SERPINC1: variants seen among roughly 807,000 people sequenced by gnomAD.
SERPINC1 encodes the protein serpin family C member 1, also known as antithrombin-III.
In SERPINC1, 12 loss-of-function variants were observed where a neutral mutation model predicts 43.4. The observed-to-expected ratio is 0.28, with a 90% CI of 0.18 to 0.45. The LOEUF (loss-of-function observed/expected upper bound fraction) is 0.45, where lower values mean the gene tolerates loss of function less well. SERPINC1 is among the 20% of genes least tolerant of loss of function. SERPINC1 has a pLI of 1.00. For missense variants in SERPINC1, 423 were observed against 578.8 expected (o/e 0.73, Z 2.76); for synonymous variants, 210 against 218.9 (o/e 0.96, Z 0.36).
chr1:173,917,063 G>C (rs1483450013), intron 1 of SERPINC1, among the ~76,000 whole-genome samples, 156 bp downstream of exon 1: 1 of 152,154 alleles, frequency 6.6e-6, no homozygotes, highest in Non-Finnish European at 1.5e-5. Context: ...GTGGGAGGGA[G>C]AGCACTTGAA....
chr1:173,905,340 T>C (rs896372456), intron 6 of SERPINC1, among the ~76,000 whole-genome samples: 2 of 152,228 alleles, frequency 1.3e-5, no homozygotes, highest in African/African-American at 4.8e-5. Flanking sequence ...ACATTCATTG[T>C]CCTATAGATT....
intron 5 of SERPINC1, among the ~76,000 whole-genome samples, chr1:173,907,722 G>A (rs988433412): frequency 6.6e-6 from 1 of 152,162 alleles, no homozygotes; most frequent in African/African-American, 2.4e-5. Flanking sequence ...GCTCACACCT[G>A]TAATCCCAGC....
chr1:173,907,628 GAAATCCT>G (rs1657576486), intron 5 of SERPINC1, 114 bp from the exon 6 acceptor site: 1 of 807,636 alleles, frequency 1.2e-6, no homozygotes, highest in Non-Finnish European at 2.2e-6. Flanking sequence ...AACATAAGAA[GAAATCCT>G]AAATCTTCAC....
rs121909548 is a variant in SERPINC1 at position 173,904,038 on chromosome 1, C to A, written c.1246G>T (p.Ala416Ser). The change falls in exon 7 of 7, where the codon GCA (alanine) becomes TCA (serine). Residue 416 changes from alanine to serine, a missense_variant. Coordinates refer to ENST00000367698, the MANE Select transcript of SERPINC1 (RefSeq NM_000488.4). Reference protein sequence around the residue: ...EVNEEGSEAAASTAVVIAGRS... With the variant: ...EVNEEGSEAASSTAVVIAGRS... The stretch of plus-strand genomic sequence containing the variant: ...CCAGCAATCACAACAGCGGTACTTG[C>A]AGCTGCTTCACTGCCTTCTTCATTT... 2,351 of 1,614,228 alleles carry A rather than the reference C, an allele frequency of 1.5e-3. 1 individual carries two copies. The highest frequency in any genetic ancestry group is 1.8e-3 in the Admixed American group (110 of 60,032).
rs762965029 is a variant in SERPINC1, at chr1:173,907,424, T to C, written c.1218+26A>G. 3.8e-6 allele frequency: 6 copies of C among 1,570,090 alleles called. No homozygotes were observed. The African/African-American group carries it at 8.1e-5, about 21-fold the overall frequency. ...GTTCATGCATCTCCTTTCTGTACCC[T>C]AAGAGAGTGGGGAAGGTGTACTCAC... On this transcript the variant is annotated intron_variant, in intron 6 of 6. Transcript: ENST00000367698.
intron 1 of SERPINC1, among the ~76,000 whole-genome samples, chr1:173,916,747 T>C (rs1658007355): frequency 6.6e-6 from 1 of 152,090 alleles, no homozygotes. Flanking sequence ...GGGACAACTC[T>C]CATTGTGAGA....
chr1:173,907,895 C>T (rs138511779), intron 5 of SERPINC1, among the ~76,000 whole-genome samples: 10,095 of 151,504 alleles, frequency 0.067, 1,150 homozygotes, highest in African/African-American at 0.23. Context: ...GCAGGAGAAT[C>T]GCTTGAACTC....
intron 1 of SERPINC1, 22 bp downstream of exon 1, chr1:173,917,197 G>A (rs753196429): frequency 3.1e-6 from 5 of 1,611,544 alleles, no homozygotes; most frequent in South Asian, 1.1e-5. Context: ...GGGCAGGCAA[G>A]GGGAAAGCTC....
chr1:173,913,480 A>G (rs1572091155), intron 2 of SERPINC1, among the ~76,000 whole-genome samples: 1 of 152,178 alleles, frequency 6.6e-6, no homozygotes, highest in Non-Finnish European at 1.5e-5. Context: ...CCTGGTCTCA[A>G]TATACCATCC....
chr1:173,908,588 CCTCA>C (rs1657630267), intron 5 of SERPINC1, among the ~76,000 whole-genome samples: 1 of 151,414 alleles, frequency 6.6e-6, no homozygotes, highest in Admixed American at 6.6e-5. Flanking sequence ...AGTGATAGGA[CCTCA>C]CTCTGTTGCT....
At chr1:173,914,496 T>C (rs764700629) in intron 2 of SERPINC1, 57 bp downstream of exon 2, 2 of 1,607,548 alleles carry the variant, frequency 1.2e-6, no homozygotes, top group South Asian at 1.1e-5. Context: ...CTTGGGCCTA[T>C]GGAAGCCCCA....
At position 173,907,435 on chromosome 1, in the gene SERPINC1, G is replaced by C. The variant is rs1383030856; in HGVS notation, c.1218+15C>G. ...TCCTTTCTGTACCCTAAGAGAGTGGGGAAGGTGTACTCACCTCAAGAAATG... is the reference window on the plus strand; with the variant it reads ...TCCTTTCTGTACCCTAAGAGAGTGGCGAAGGTGTACTCACCTCAAGAAATG... On this transcript the variant is annotated intron_variant, in intron 6 of 6. Transcript: ENST00000367698. 1 of 1,591,158 alleles carries C rather than the reference G, an allele frequency of 6.3e-7. No individual in the cohort carries two copies. The highest frequency in any genetic ancestry group is 8.6e-7 in the Non-Finnish European group (1 of 1,159,104).
chr1:173,907,450 C>G lies in SERPINC1; in HGVS notation c.1218G>C (p.Glu406Asp). The change falls in exon 6 of 7, where the codon GAG becomes GAC. Residue 406 changes from glutamate (E) to aspartate (D), a missense_variant and splice_region_variant. Glu to Asp is a conservative substitution (Grantham distance 45). Coordinates refer to ENST00000367698, the MANE Select transcript of SERPINC1 (RefSeq NM_000488.4). ...VSDAFHKAFL[E>D]VNEEGSEAAA... ...AAGAGAGTGGGGAAGGTGTACTCAC[C>G]TCAAGAAATGCCTTATGGAATGCAT... The G allele has an allele frequency of 6.2e-7, 1 of 1,610,894 alleles. No individual in the cohort carries two copies. The highest frequency in any genetic ancestry group is 8.5e-7 in the Non-Finnish European group (1 of 1,177,088).
At chr1:173,905,652 C>T (rs552826404) in intron 6 of SERPINC1, among the ~76,000 whole-genome samples, 2 of 151,960 alleles carry the variant, frequency 1.3e-5, no homozygotes, top group Non-Finnish European at 2.9e-5. Flanking sequence ...ACCCAGGAGG[C>T]GGAGGTTGCA....
At chr1:173,914,530 G>A in intron 2 of SERPINC1, 23 bp downstream of exon 2, 2 of 1,613,412 alleles carry the variant, frequency 1.2e-6, no homozygotes, top group South Asian at 1.1e-5. Context: ...CAAGGTGGCT[G>A]GGCAGAAGAC....
At position 173,912,625 on chromosome 1, in the gene SERPINC1, G is replaced by C. The variant is rs536875138; in HGVS notation, c.409-611C>G. Reference sequence around the variant, plus strand: ...CATGCTCTCTCCTCAGGCTACAAAAGGCCTTTTGGTTTTATCTGTTCTCTG... The same window carrying C: ...CATGCTCTCTCCTCAGGCTACAAAACGCCTTTTGGTTTTATCTGTTCTCTG... On this transcript the variant is annotated intron_variant, in intron 2 of 6. Coordinates refer to ENST00000367698, the MANE Select transcript of SERPINC1 (RefSeq NM_000488.4). Among the ~76,000 whole-genome samples, 157 of 152,260 alleles carry C rather than the reference G, an allele frequency of 1.0e-3. 1 individual carries two copies. Among genetic ancestry groups the C allele is most frequent in the African/African-American group, 3.6e-3 (148 of 41,546 alleles).
At chr1:173,916,755 A>G (rs1045742429) in intron 1 of SERPINC1, among the ~76,000 whole-genome samples, 4 of 152,098 alleles carry the variant, frequency 2.6e-5, no homozygotes, top group African/African-American at 9.7e-5. Context: ...TCTCATTGTG[A>G]GAAAAGGAAG....
intron 4 of SERPINC1, among the ~76,000 whole-genome samples, chr1:173,910,326 C>T (rs767856075): frequency 2.0e-5 from 3 of 152,146 alleles, no homozygotes; most frequent in Non-Finnish European, 4.4e-5. Context: ...TGCCTGTAAT[C>T]CCAGCACTTT....
rs745578147 is a variant in SERPINC1, at chr1:173,909,568, T to C, written c.1137A>G (p.Glu379=). The stretch of plus-strand genomic sequence containing the variant: ...TAGACAAACCTGGGAGTTTGGACTT[T>C]TCAGGGCTGAACAGATCGACAAGGC... The part of the protein sequence containing the change: ...DMGLVDLFSP[E]KSKLPGIVAE... Residue 379 remains glutamate (E), a synonymous_variant, in exon 5 of 7, where the codon GAA becomes GAG. Coordinates refer to ENST00000367698, the MANE Select transcript of SERPINC1 (RefSeq NM_000488.4). 4 of 1,613,912 alleles carry C rather than the reference T, an allele frequency of 2.5e-6. No homozygotes were observed. In the East Asian group the frequency reaches 6.7e-5, roughly 27 times the overall value.
Sources: gnomAD v4.1 joint callset for allele counts (sites outside exome capture counted in the v4.1 genomes callset) on GRCh38, gnomAD v4.1.1 for gene constraint, MANE v1.5 for transcripts, NCBI Gene and HGNC (gene_info 2026-07-23, HGNC 2026-07-21) for gene names.